ACSS3: variants seen among roughly 807,000 people sequenced by gnomAD.
ACSS3 encodes acyl-CoA synthetase short chain family member 3.
Under a neutral mutation model 84.2 loss-of-function variants are expected in ACSS3, and 64 were observed. The observed-to-expected ratio is 0.76, with a 90% CI of 0.62 to 0.94. The LOEUF is 0.94. Among genes scored for constraint, ACSS3 ranks in the 40% least tolerant of loss-of-function variants. The pLI, the probability that ACSS3 is intolerant of heterozygous loss-of-function variation, is 0.00. For missense variants in ACSS3, 815 were observed against 867.6 expected, an observed-to-expected ratio of 0.94 and a Z score of 0.76; for synonymous variants, 317 against 310.1, an observed-to-expected ratio of 1.02 and a Z score of -0.23.
intron 8 of ACSS3, among the ~76,000 whole-genome samples, chr12:81,175,294 G>C (rs1256970853): frequency 6.6e-6 from 1 of 152,070 alleles, no homozygotes; most frequent in African/African-American, 2.4e-5. Context: ...ATAGAAGAAT[G>C]GGTTAAATGA....
chr12:81,171,490 G>C (rs899808393), intron 7 of ACSS3, among the ~76,000 whole-genome samples: 1 of 152,004 alleles, frequency 6.6e-6, no homozygotes, highest in African/African-American at 2.4e-5. Flanking sequence ...ATTATCTTCT[G>C]GGGAATGGAC....
chr12:81,180,272 C>T lies in ACSS3; in HGVS notation c.1250+5333C>T, dbSNP rs376186037. 7.7e-4 allele frequency among the ~76,000 whole-genome samples: 117 copies of T among 152,240 alleles called. 1 individual carries two copies. Among genetic ancestry groups the T allele is most frequent in the African/African-American group, 2.7e-3 (113 of 41,556 alleles). On this transcript the variant is annotated intron_variant, in intron 8 of 15. Transcript: ENST00000548058. ...AATACTACTTCTCAGGTACTATGCT[C>T]GTTACCTGGATTACTTGATAATCTG...
rs536242031 is a variant in ACSS3 at position 81,143,101 on chromosome 12, G to A, written c.781-6G>A. 2.5e-6 allele frequency: 4 copies of A among 1,609,960 alleles called. No individual in the cohort carries two copies. In the East Asian group the frequency reaches 8.9e-5, roughly 36 times the overall value. On this transcript the variant is annotated splice_region_variant and splice_polypyrimidine_tract_variant and intron_variant, in intron 4 of 15. Transcript: ENST00000548058. ...CAGTACATATTCTTATATTTTTGCTGTGTAGGAGGCGGTTCCTTTGGCTCC... is the reference window on the plus strand; with the variant it reads ...CAGTACATATTCTTATATTTTTGCTATGTAGGAGGCGGTTCCTTTGGCTCC...
At position 81,255,975 on chromosome 12, in the gene ACSS3, A is replaced by G. The variant is rs1249348593; in HGVS notation, c.*1053A>G. 6.6e-6 allele frequency: 1 copy of G among 152,142 alleles called. No homozygotes were observed. The highest frequency in any genetic ancestry group is 2.4e-5 in the African/African-American group (1 of 41,424). The allele number at this position is 152,142 out of a possible 1,614,324, so 9.4% of individuals were successfully genotyped here. Reference sequence around the variant, plus strand: ...GTGGAAACAAGGAATCGATGTACAAATGGGGTAGGGTGGCAAGGAAAACTC... The same window carrying G: ...GTGGAAACAAGGAATCGATGTACAAGTGGGGTAGGGTGGCAAGGAAAACTC... On this transcript the variant is annotated 3_prime_UTR_variant, in exon 16 of 16. Coordinates refer to ENST00000548058, the MANE Select transcript of ACSS3 (RefSeq NM_024560.4).
At chr12:81,238,680 C>A (rs1050181589) in intron 13 of ACSS3, among the ~76,000 whole-genome samples, 1 of 151,492 alleles carries the variant, frequency 6.6e-6, no homozygotes, top group Non-Finnish European at 1.5e-5. Context: ...TCCTTATTAT[C>A]TTTTTAATGT....
At chr12:81,252,489 T>G (rs1355981455) in intron 13 of ACSS3, among the ~76,000 whole-genome samples, 3 of 152,126 alleles carry the variant, frequency 2.0e-5, no homozygotes, top group Non-Finnish European at 4.4e-5. Flanking sequence ...CACTGTTTTC[T>G]CTAGCTATTA....
chr12:81,106,556 TTG>T (rs1163810520), intron 1 of ACSS3, among the ~76,000 whole-genome samples: 1 of 152,136 alleles, frequency 6.6e-6, no homozygotes, highest in Non-Finnish European at 1.5e-5. Context: ...GGTGAAAACA[TTG>T]TCTTTCATGA....
At chr12:81,143,000 C>A in intron 4 of ACSS3, 107 bp from the exon 5 acceptor site, 2 of 1,074,200 alleles carry the variant, frequency 1.9e-6, no homozygotes, top group East Asian at 2.9e-5. Flanking sequence ...GCCATATAGG[C>A]CTAGATTTTC....
chr12:81,244,742 C>G (rs2033924999), intron 13 of ACSS3, among the ~76,000 whole-genome samples: 1 of 152,138 alleles, frequency 6.6e-6, no homozygotes, highest in Admixed American at 6.5e-5. Flanking sequence ...ATTTTAATCT[C>G]TCTGCTCAGC....
chr12:81,139,388 T>C (rs1418294371), intron 4 of ACSS3, 123 bp downstream of exon 4: 47 of 1,116,660 alleles, frequency 4.2e-5, no homozygotes, highest in Non-Finnish European at 5.8e-5. Flanking sequence ...ATGTTATTGT[T>C]ATTTCTAAAA....
rs571301831 is a variant in ACSS3 at position 81,258,010 on chromosome 12, T to C, written c.*3088T>C. 3 of 152,284 alleles carry C rather than the reference T, an allele frequency of 2.0e-5. No individual in the cohort carries two copies. Among genetic ancestry groups the C allele is most frequent in the South Asian group, 2.1e-4 (1 of 4,826 alleles). 9.4% of individuals were successfully genotyped at this position (152,284 alleles called of 1,614,324 possible). A position where few individuals can be genotyped will look rare whatever the true frequency, so the allele number is the denominator to read the frequency against. On this transcript the variant is annotated 3_prime_UTR_variant, in exon 16 of 16. Transcript: ENST00000548058. ...TGGCATTATAATGTCGTAGTTCCTA[T>C]ATTCTATTTCATTTCTATGAATCAA...
At chr12:81,108,425 C>T (rs118122509) in intron 1 of ACSS3, among the ~76,000 whole-genome samples, 2,310 of 151,970 alleles carry the variant, frequency 0.015, 114 homozygotes, top group East Asian at 0.14. Context: ...TTTCAGGCAC[C>T]TGTCACCATG....
Position 81,257,550 on chromosome 12 carries a change from A to G in ACSS3, c.*2628A>G, listed in dbSNP as rs2034348290. 1 of 152,172 alleles carries G rather than the reference A, an allele frequency of 6.6e-6. No individual in the cohort carries two copies. Among genetic ancestry groups the G allele is most frequent in the African/African-American group, 2.4e-5 (1 of 41,466 alleles). 9.4% of individuals were successfully genotyped at this position (152,172 alleles called of 1,614,324 possible). On this transcript the variant is annotated 3_prime_UTR_variant, in exon 16 of 16. Coordinates refer to ENST00000548058, the MANE Select transcript of ACSS3 (RefSeq NM_024560.4). ...GGATTTCTTACTGTTAAGTTATTGG[A>G]AAATGAAAATATAAAGTGCTTTCAG...
chr12:81,113,100 CA>C (rs1722816952), intron 2 of ACSS3, among the ~76,000 whole-genome samples: 3 of 152,126 alleles, frequency 2.0e-5, no homozygotes, highest in Middle Eastern at 6.8e-3. Context: ...ATAAGAAATA[CA>C]AAGTAAATGA....
chr12:81,151,585 C>A (rs749906460), intron 5 of ACSS3: 2 of 313,334 alleles, frequency 6.4e-6, no homozygotes, highest in African/African-American at 2.2e-5. Context: ...TTTGTGAAAT[C>A]ATGTTTTCTT....
At chr12:81,127,784 A>G (rs867860539) in intron 2 of ACSS3, among the ~76,000 whole-genome samples, 2 of 152,144 alleles carry the variant, frequency 1.3e-5, no homozygotes, top group Non-Finnish European at 1.5e-5. Flanking sequence ...AAACTAGGGA[A>G]CTATCTTTTT....
At chr12:81,208,563 C>T (rs1424198885) in intron 9 of ACSS3, among the ~76,000 whole-genome samples, 1 of 152,118 alleles carries the variant, frequency 6.6e-6, no homozygotes, top group Non-Finnish European at 1.5e-5. Flanking sequence ...ACCAGACCAT[C>T]CACATCTATC....
intron 7 of ACSS3, among the ~76,000 whole-genome samples, chr12:81,152,689 A>G (rs1593133368): frequency 6.6e-6 from 1 of 152,188 alleles, no homozygotes; most frequent in Non-Finnish European, 1.5e-5. Flanking sequence ...TTGTATAAAG[A>G]CTTAGAAAAC....
At chr12:81,143,657 A>G (rs1219962186) in intron 5 of ACSS3, among the ~76,000 whole-genome samples, 1 of 152,072 alleles carries the variant, frequency 6.6e-6, no homozygotes, top group African/African-American at 2.4e-5. Flanking sequence ...TATAAGTTTC[A>G]TGCAGTATAG....
Sources: gnomAD v4.1 joint callset for allele counts (sites outside exome capture counted in the v4.1 genomes callset) on GRCh38, gnomAD v4.1.1 for gene constraint, MANE v1.5 for transcripts, NCBI Gene and HGNC (gene_info 2026-07-23, HGNC 2026-07-21) for gene names.